The following RABGAP1 variants were observed in gnomAD, a reference collection of about 807,000 sequenced individuals.
The protein encoded by RABGAP1 is RAB GTPase activating protein 1, also known as rab GTPase-activating protein 1.
Under a neutral mutation model 137.6 loss-of-function variants are expected in RABGAP1, and 23 were observed. The observed-to-expected ratio is 0.17, with a 90% confidence interval of 0.12 to 0.24. RABGAP1 has a LOEUF of 0.24. RABGAP1 is among the 10% of genes least tolerant of loss of function. The pLI is 1.00. For synonymous variants in RABGAP1, 451 were observed against 450.7 expected (o/e 1.00, Z -0.01); for missense variants, 906 against 1,275.8 (o/e 0.71, Z 4.42).
Position 123,003,026 on chromosome 9 carries a change from G to A in RABGAP1, c.1374+4260G>A, listed in dbSNP as rs1346236078. Among the ~76,000 whole-genome samples, 3 of 152,168 alleles carry A rather than the reference G, an allele frequency of 2.0e-5. No homozygotes were observed. In the East Asian group the frequency reaches 5.8e-4, roughly 29 times the overall value. On this transcript the variant is annotated intron_variant, in intron 10 of 25. Transcript: ENST00000373647. ...GTGCGGGGATTTAGGGGGAGTGCTA[G>A]GGAGTGGGAAAGGAGAGGTAGAATG...
At chr9:122,935,285 C>T in the RABGAP1 span, among the ~76,000 whole-genome samples, 1 of 152,136 alleles carries the variant, frequency 6.6e-6, no homozygotes, top group Non-Finnish European at 1.5e-5. Flanking sequence ...AAGCTCTGCC[C>T]TTTCCTTTCT....
At chr9:122,940,840 A>C (rs1374777335), upstream of RABGAP1, 1 of 152,616 alleles carries the variant, frequency 6.6e-6, no homozygotes, top group African/African-American at 2.4e-5. Flanking sequence ...CACAGTCCTG[A>C]GGCGGGCTGA....
At chr9:123,016,733 C>T (rs1219128491) in intron 12 of RABGAP1, among the ~76,000 whole-genome samples, 1 of 152,092 alleles carries the variant, frequency 6.6e-6, no homozygotes, top group South Asian at 2.1e-4. Flanking sequence ...AATAAACTCC[C>T]TATTGGCCTG....
At chr9:122,942,669 CA>C (rs10660327) in intron 1 of RABGAP1, among the ~76,000 whole-genome samples, 3,139 of 90,186 alleles carry the variant, frequency 0.035, 36 homozygotes, top group East Asian at 0.091. Flanking sequence ...GACTCCGTCT[CA>C]AAAAAAAAAA....
chr9:123,042,680 A>G (rs112066360), intron 13 of RABGAP1, among the ~76,000 whole-genome samples: 134 of 152,328 alleles, frequency 8.8e-4, no homozygotes, highest in African/African-American at 3.0e-3. Context: ...TGAAAAAGCA[A>G]AACAGTCGGA....
At chr9:122,947,283 G>C (rs774616571) in intron 1 of RABGAP1, among the ~76,000 whole-genome samples, 2 of 152,152 alleles carry the variant, frequency 1.3e-5, no homozygotes, top group African/African-American at 2.4e-5. Context: ...GATACACCTA[G>C]AGTAGTCAAT....
At chr9:123,001,263 TAATC>T (rs1360049165) in intron 10 of RABGAP1, among the ~76,000 whole-genome samples, 4 of 152,220 alleles carry the variant, frequency 2.6e-5, no homozygotes, top group Non-Finnish European at 5.9e-5. Flanking sequence ...GAGAGATTCT[TAATC>T]TGTCTTATTT....
intron 11 of RABGAP1, among the ~76,000 whole-genome samples, chr9:123,013,743 T>C (rs954104284): frequency 6.6e-5 from 10 of 152,210 alleles, no homozygotes; most frequent in African/African-American, 1.9e-4. Context: ...AGCATTATAA[T>C]ATAAAAACGT....
intron 2 of RABGAP1, among the ~76,000 whole-genome samples, chr9:122,969,124 T>G (rs766750520): frequency 1.3e-5 from 2 of 152,228 alleles, no homozygotes; most frequent in Non-Finnish European, 2.9e-5. Context: ...ATATTTTTAT[T>G]GTACCTTTTC....
intron 19 of RABGAP1, among the ~76,000 whole-genome samples, chr9:123,082,282 G>A (rs558606206): frequency 6.6e-6 from 1 of 152,162 alleles, no homozygotes; most frequent in Admixed American, 6.5e-5. Context: ...AACTCATTTA[G>A]CTATCCATTG....
At position 123,070,313 on chromosome 9, in the gene RABGAP1, A is replaced by G; in HGVS notation, c.1909-37A>G. The G allele has an allele frequency of 6.2e-7, 1 of 1,613,220 alleles. No individual in the cohort carries two copies. The highest frequency in any genetic ancestry group is 1.1e-5 in the South Asian group (1 of 90,956). ...GCCACCATGGCCCACAAGTGGCTAC[A>G]TTCATTTACATTTCCTCTGTGTGTT... On this transcript the variant is annotated intron_variant, in intron 14 of 25. Coordinates refer to ENST00000373647, the MANE Select transcript of RABGAP1 (RefSeq NM_012197.4). The surrounding 1 kb of genome is among the most constrained non-coding windows in gnomAD (Gnocchi z 4.4).
At chr9:123,026,742 G>A (rs1226188934) in intron 13 of RABGAP1, among the ~76,000 whole-genome samples, 1 of 152,052 alleles carries the variant, frequency 6.6e-6, no homozygotes, top group Non-Finnish European at 1.5e-5. Context: ...AAAATGAAGG[G>A]GAAACAAAGG....
intron 13 of RABGAP1, among the ~76,000 whole-genome samples, chr9:123,032,349 T>G (rs529556486): frequency 1.3e-5 from 2 of 152,214 alleles, no homozygotes; most frequent in East Asian, 3.8e-4. Context: ...TGAACCTGAT[T>G]ATTGTTCCTT....
chr9:123,092,901 C>T (rs915437716), intron 21 of RABGAP1, among the ~76,000 whole-genome samples: 5 of 152,300 alleles, frequency 3.3e-5, no homozygotes, highest in Admixed American at 2.6e-4. Flanking sequence ...CCTAAGCAGG[C>T]GGCAGGGCTC....
At chr9:123,052,646 C>G (rs2033533806) in intron 13 of RABGAP1, among the ~76,000 whole-genome samples, 1 of 152,130 alleles carries the variant, frequency 6.6e-6, no homozygotes, top group Non-Finnish European at 1.5e-5. Context: ...ACTTTGCATA[C>G]AGGCTGGGTG....
At chr9:122,974,929 C>T (rs1376146755) in intron 2 of RABGAP1, among the ~76,000 whole-genome samples, 2 of 152,108 alleles carry the variant, frequency 1.3e-5, no homozygotes, top group Non-Finnish European at 2.9e-5. Context: ...AGTGTGTAAG[C>T]AGGTTTGAGA....
At chr9:123,055,328 A>T (rs1456061381) in intron 13 of RABGAP1, among the ~76,000 whole-genome samples, 3 of 152,106 alleles carry the variant, frequency 2.0e-5, no homozygotes, top group African/African-American at 7.2e-5. Flanking sequence ...AGTAGCTGGG[A>T]CTACAAGTGC....
intron 23 of RABGAP1, 70 bp downstream of exon 23, chr9:123,098,868 G>GC (rs1349499113): frequency 6.2e-6 from 6 of 961,640 alleles, no homozygotes; most frequent in South Asian, 1.5e-5. Flanking sequence ...ATGTATACCC[G>GC]CCCCCCACCC....
intron 23 of RABGAP1, among the ~76,000 whole-genome samples, chr9:123,099,174 G>C (rs1471712397): frequency 6.6e-6 from 1 of 152,200 alleles, no homozygotes; most frequent in East Asian, 1.9e-4. Flanking sequence ...GAACATAACA[G>C]AATGGTCTTG....
Sources: allele counts gnomAD v4.1 joint callset (sites outside exome capture counted in the v4.1 genomes callset), GRCh38; gene constraint gnomAD v4.1.1; non-coding constraint Gnocchi (gnomAD v3.1); transcripts MANE v1.5; gene names NCBI Gene and HGNC (gene_info 2026-07-23, HGNC 2026-07-21).